Variants in CDH13 observed in about 807,000 individuals in gnomAD.
CDH13 encodes the protein cadherin-13.
In CDH13, 24 loss-of-function variants were observed where a neutral mutation model predicts 63.8. The observed-to-expected ratio is 0.38, with a 90% CI of 0.27 to 0.53. The LOEUF is 0.53. Ranked by LOEUF, CDH13 falls within the 20% of genes least tolerant of loss-of-function variation. The probability of loss-of-function intolerance (pLI) is 0.85; values close to 1 mark genes in which losing one functional copy is unlikely to be tolerated. For synonymous variants in CDH13, 503 were observed against 355.3 expected, an observed-to-expected ratio of 1.42 and a Z score of -4.67; for missense variants, 1,049 against 903.1, an observed-to-expected ratio of 1.16 and a Z score of -2.07.
chr16:83,095,122 C>T (rs561717610), intron 3 of CDH13, among the ~76,000 whole-genome samples: 52 of 152,226 alleles, frequency 3.4e-4, no homozygotes, highest in African/African-American at 1.2e-3. Context: ...ATAAAATAAC[C>T]CTGATTTGTG....
At chr16:83,095,275 A>T (rs941061408) in intron 3 of CDH13, among the ~76,000 whole-genome samples, 15 of 152,346 alleles carry the variant, frequency 9.8e-5, no homozygotes, top group African/African-American at 3.1e-4. Flanking sequence ...TTTCACCTCA[A>T]TAATTCTGTC....
At chr16:82,911,400 C>T (rs1466147905) in intron 2 of CDH13, among the ~76,000 whole-genome samples, 2 of 152,184 alleles carry the variant, frequency 1.3e-5, no homozygotes, top group Non-Finnish European at 2.9e-5. Context: ...CTCCCTGTGA[C>T]ATCCAAAGCC....
chr16:83,121,583 C>A (rs762243515), intron 3 of CDH13, among the ~76,000 whole-genome samples: 1 of 152,194 alleles, frequency 6.6e-6, no homozygotes. Context: ...TCACAGTTGC[C>A]TTATTGGTCA....
chr16:83,092,936 A>C (rs8048117), intron 3 of CDH13, among the ~76,000 whole-genome samples: 22,852 of 152,156 alleles, frequency 0.15, 2,185 homozygotes, highest in African/African-American at 0.27. Context: ...TTTGCGCAAG[A>C]TTTGTGTGGA....
chr16:82,933,152 G>A (rs1479202816), intron 2 of CDH13, among the ~76,000 whole-genome samples: 1 of 152,080 alleles, frequency 6.6e-6, no homozygotes, highest in Non-Finnish European at 1.5e-5. Flanking sequence ...ATGCAGCCAT[G>A]AAGACATACT....
At chr16:83,053,564 T>C (rs554115466) in intron 3 of CDH13, among the ~76,000 whole-genome samples, 54 of 152,268 alleles carry the variant, frequency 3.5e-4, no homozygotes, top group African/African-American at 1.1e-3. Flanking sequence ...GCAATAGATA[T>C]ATGTTTCTTA....
At chr16:83,699,961 C>T (rs1297654302) in intron 10 of CDH13, among the ~76,000 whole-genome samples, 4 of 152,176 alleles carry the variant, frequency 2.6e-5, no homozygotes, top group Admixed American at 6.5e-5. Flanking sequence ...CAAAAGTGCA[C>T]AAGTTGATGA....
chr16:83,395,685 G>T (rs1036156377), intron 6 of CDH13, among the ~76,000 whole-genome samples: 10 of 152,180 alleles, frequency 6.6e-5, no homozygotes, highest in Admixed American at 2.6e-4. Context: ...CAGCCAGCCG[G>T]TGGTCACCAC....
chr16:83,322,279 T>C lies in CDH13; in HGVS notation c.637-22583T>C, dbSNP rs571229797. On this transcript the variant is annotated intron_variant, in intron 5 of 13. Transcript: ENST00000567109. ...CTACCCTCCAAGGAAGTGGAAATGA[T>C]TTGCGAGGCAGAGCGTGTGCACCCT... Among the ~76,000 whole-genome samples the C allele has an allele frequency of 1.1e-4, 17 of 152,262 alleles. No homozygotes were observed. In the East Asian group the frequency reaches 2.1e-3, roughly 19 times the overall value.
chr16:82,657,272 C>T (rs994912141), intron 1 of CDH13, among the ~76,000 whole-genome samples: 1 of 152,092 alleles, frequency 6.6e-6, no homozygotes, highest in African/African-American at 2.4e-5. Context: ...ACAATTATGA[C>T]AATATGTTGT....
In CDH13 at chr16:83,169,451, G is replaced by A. The variant is rs540629213; in HGVS notation, c.483+43950G>A. Among the ~76,000 whole-genome samples, 7 of 152,152 alleles carry A rather than the reference G, an allele frequency of 4.6e-5. No homozygotes were observed. The South Asian group carries it at 1.5e-3, about 32-fold the overall frequency. On this transcript the variant is annotated intron_variant, in intron 4 of 13. Transcript: ENST00000567109. ...CGGCTTCCCGAAGTGCTGGGAGTAA[G>A]GTGTGAGCCACCACACCCGGCCAAG...
intron 4 of CDH13, among the ~76,000 whole-genome samples, chr16:83,210,511 T>C (rs1229293781): frequency 1.3e-5 from 2 of 151,930 alleles, no homozygotes; most frequent in Non-Finnish European, 2.9e-5. Context: ...TAATATTCAT[T>C]TACGTATTCA....
At chr16:83,234,300 A>G (rs1354965802) in intron 5 of CDH13, among the ~76,000 whole-genome samples, 1 of 152,218 alleles carries the variant, frequency 6.6e-6, no homozygotes, top group African/African-American at 2.4e-5. Context: ...GTCACAAAAC[A>G]GCCGGCCACT....
chr16:83,049,683 A>G (rs1316797035), intron 3 of CDH13, among the ~76,000 whole-genome samples: 1 of 152,066 alleles, frequency 6.6e-6, no homozygotes, highest in African/African-American at 2.4e-5. Flanking sequence ...ATGTATCACT[A>G]CTTCATTCCT....
intron 1 of CDH13, among the ~76,000 whole-genome samples, chr16:82,691,124 G>T (rs7205463): frequency 6.6e-6 from 1 of 152,172 alleles, no homozygotes; most frequent in African/African-American, 2.4e-5. Flanking sequence ...TGGACTCAGA[G>T]ATATAACAAT....
Position 83,579,445 on chromosome 16 carries a change from G to T in CDH13, c.961-23009G>T, listed in dbSNP as rs566804758. 1.2e-4 allele frequency among the ~76,000 whole-genome samples: 18 copies of T among 152,260 alleles called. No homozygotes were observed. In the South Asian group the frequency reaches 3.5e-3, roughly 30 times the overall value. On this transcript the variant is annotated intron_variant, in intron 7 of 13. Coordinates refer to ENST00000567109, the MANE Select transcript of CDH13 (RefSeq NM_001257.5). ...ATGGCAGAAGGTGAAGGGGAAGTAG[G>T]TATGTCTTACATTGCTGGAGAAGGA...
chr16:82,922,280 C>A (rs1327156173), intron 2 of CDH13, among the ~76,000 whole-genome samples: 3 of 151,990 alleles, frequency 2.0e-5, no homozygotes, highest in Non-Finnish European at 4.4e-5. Flanking sequence ...AAGCCATTGG[C>A]AAATTAAATA....
chr16:83,380,854 T>G (rs1178337104), intron 6 of CDH13, among the ~76,000 whole-genome samples: 4 of 151,202 alleles, frequency 2.6e-5, no homozygotes, highest in Non-Finnish European at 4.4e-5. Context: ...TTTCCTTTAA[T>G]TAAGGAAAAA....
Position 83,217,611 on chromosome 16 carries a change from C to CT in CDH13, c.636+117dup, listed in dbSNP as rs1393516825. 3.8e-6 allele frequency: 4 copies of CT among 1,044,806 alleles called. No homozygotes were observed. The Admixed American group carries it at 9.4e-5, about 24-fold the overall frequency. 64.7% of individuals were successfully genotyped at this position (1,044,806 alleles called of 1,614,324 possible). A position where few individuals can be genotyped will look rare whatever the true frequency, so the allele number is the denominator to read the frequency against. ...CCTCATCAAACCCGGGACTGCATGGCTTTAGGGTGTTTCTGTGGGAGCTGA... is the reference window on the plus strand; with the variant it reads ...CCTCATCAAACCCGGGACTGCATGGCTTTTAGGGTGTTTCTGTGGGAGCTGA... On this transcript the variant is annotated intron_variant, in intron 5 of 13. Transcript: ENST00000567109.
Sources: gnomAD v4.1 joint callset for allele counts (sites outside exome capture counted in the v4.1 genomes callset) on GRCh38, gnomAD v4.1.1 for gene constraint, MANE v1.5 for transcripts, NCBI Gene and HGNC (gene_info 2026-07-23, HGNC 2026-07-21) for gene names.